TMPRSS13: variants seen among roughly 807,000 people sequenced by gnomAD.
TMPRSS13 encodes transmembrane protease serine 13.
In TMPRSS13, 50 loss-of-function variants were observed where a neutral mutation model predicts 68.4. The ratio of observed to expected loss-of-function variants is 0.73; its 90% CI spans 0.58 to 0.93. The LOEUF (loss-of-function observed/expected upper bound fraction) is 0.93. Among genes scored for constraint, TMPRSS13 ranks in the 40% least tolerant of loss-of-function variants. The pLI, the probability that TMPRSS13 is intolerant of heterozygous loss-of-function variation, is 0.00. For synonymous variants in TMPRSS13, 267 were observed against 285.8 expected, an observed-to-expected ratio of 0.93 and a Z score of 0.66; for missense variants, 615 against 729.2, an observed-to-expected ratio of 0.84 and a Z score of 1.80.
In TMPRSS13 at chr11:117,917,282, C is replaced by T. The variant is rs780717202; in HGVS notation, c.452-8G>A. ...ACTTGGGCAGGCTCGTACCTAGGAG[C>T]AGGGCGGCAGCAGGGGAATATGAGG... On this transcript the variant is annotated splice_polypyrimidine_tract_variant and splice_region_variant and intron_variant, in intron 2 of 12. Transcript: ENST00000524993. 3 of 1,608,144 alleles carry T rather than the reference C, an allele frequency of 1.9e-6. No homozygotes were observed. The Admixed American group carries it at 5.0e-5, about 27-fold the overall frequency.
rs904523757 is a variant in TMPRSS13 at position 117,902,219 on chromosome 11, C to T, written c.*20G>A. Reference sequence around the variant, plus strand: ...AGTCTTCACAGCAGCCGGTGCTGTGCAGAGCAGCAGGCCAGCTGGTTAGGA... The same window carrying T: ...AGTCTTCACAGCAGCCGGTGCTGTGTAGAGCAGCAGGCCAGCTGGTTAGGA... On this transcript the variant is annotated 3_prime_UTR_variant, in exon 13 of 13. Coordinates refer to ENST00000524993, the MANE Select transcript of TMPRSS13 (RefSeq NM_001077263.3). 7 of 1,612,604 alleles carry T rather than the reference C, an allele frequency of 4.3e-6. No individual in the cohort carries two copies. Among genetic ancestry groups the T allele is most frequent in the Non-Finnish European group, 5.1e-6 (6 of 1,179,334 alleles).
Position 117,901,297 on chromosome 11 carries a change from C to T in TMPRSS13, c.*942G>A, listed in dbSNP as rs1482794632. On this transcript the variant is annotated 3_prime_UTR_variant, in exon 13 of 13. Coordinates refer to ENST00000524993, the MANE Select transcript of TMPRSS13 (RefSeq NM_001077263.3). ...GGATGCAGAAACAGTTTGTGGACCT[C>T]GTCGTGTCGGATTTGCTTGCCAGCC... 2 of 152,670 alleles carry T rather than the reference C, an allele frequency of 1.3e-5. No homozygotes were observed. The highest frequency in any genetic ancestry group is 2.9e-5 in the Non-Finnish European group (2 of 68,044). The allele number at this position is 152,670 out of a possible 1,614,324, so 9.5% of individuals were successfully genotyped here.
Position 117,902,071 on chromosome 11 carries a change from T to TGC in TMPRSS13, c.*166_*167dup, listed in dbSNP as rs1057394699. 247 of 693,824 alleles carry TGC rather than the reference T, an allele frequency of 3.6e-4. 1 individual carries two copies. In the African/African-American group the frequency reaches 4.4e-3, roughly 12 times the overall value. 43.0% of individuals were successfully genotyped at this position (693,824 alleles called of 1,614,324 possible). ...TTGGGAGAGTGGCAATGCACACATA[T>TGC]GCACACACACACACACACACACACA... is the stretch of plus-strand genomic sequence containing the variant. On this transcript the variant is annotated 3_prime_UTR_variant, in exon 13 of 13. Coordinates refer to ENST00000524993, the MANE Select transcript of TMPRSS13 (RefSeq NM_001077263.3).
At position 117,905,557 on chromosome 11, in the gene TMPRSS13, G is replaced by C. The variant is rs1304377440; in HGVS notation, c.1381+81C>G. 4.1e-6 allele frequency: 5 copies of C among 1,227,318 alleles called. No individual in the cohort carries two copies. In the Admixed American group the frequency reaches 1.0e-4, roughly 25 times the overall value. 76.0% of individuals were successfully genotyped at this position (1,227,318 alleles called of 1,614,324 possible). A position where few individuals can be genotyped will look rare whatever the true frequency, so the allele number is the denominator to read the frequency against. ...ACATAGGCCTTCATCTGTATACCCA[G>C]ACACATTGCTTACACACGCACATGT... On this transcript the variant is annotated intron_variant, in intron 10 of 12. Transcript: ENST00000524993.
chr11:117,929,268 G>A lies in TMPRSS13; in HGVS notation c.21+19C>T. 1.9e-6 allele frequency: 3 copies of A among 1,598,242 alleles called. No individual in the cohort carries two copies. Among genetic ancestry groups the A allele is most frequent in the South Asian group, 2.3e-5 (2 of 88,196 alleles). On this transcript the variant is annotated intron_variant, in intron 1 of 12. Transcript: ENST00000524993. Reference sequence around the variant, plus strand: ...TCAGCGCTGGGAGAATCTGGCCCGAGGCCTGAGGTCACACTCACCCCGTGG... The same window carrying A: ...TCAGCGCTGGGAGAATCTGGCCCGAAGCCTGAGGTCACACTCACCCCGTGG...
rs1455424415 is a variant in TMPRSS13 at position 117,901,720 on chromosome 11, C to T, written c.*519G>A. ...CACCAGCAGGGGGTCTGGGTGAGGA[C>T]TTGATGCTCATAAAGCCAACGGGAG... On this transcript the variant is annotated 3_prime_UTR_variant, in exon 13 of 13. Coordinates refer to ENST00000524993, the MANE Select transcript of TMPRSS13 (RefSeq NM_001077263.3). 1 of 165,040 alleles carries T rather than the reference C, an allele frequency of 6.1e-6. No homozygotes were observed. Among genetic ancestry groups the T allele is most frequent in the Non-Finnish European group, 1.3e-5 (1 of 74,880 alleles). 10.2% of individuals were successfully genotyped at this position (165,040 alleles called of 1,614,324 possible). A position where few individuals can be genotyped will look rare whatever the true frequency, so the allele number is the denominator to read the frequency against.
At chr11:117,925,937 G>C (rs1447755741) in intron 1 of TMPRSS13, among the ~76,000 whole-genome samples, 3 of 152,272 alleles carry the variant, frequency 2.0e-5, no homozygotes, top group Non-Finnish European at 4.4e-5. Flanking sequence ...CTGTGCCAAA[G>C]GAAGTCTGCT....
intron 7 of TMPRSS13, chr11:117,910,425 C>T (rs897081008): frequency 3.5e-5 from 16 of 457,434 alleles, no homozygotes; most frequent in African/African-American, 3.1e-4. Flanking sequence ...TGTTTCTAAA[C>T]ATAGGAAGAA....
At chr11:117,926,028 T>C (rs574500077) in intron 1 of TMPRSS13, among the ~76,000 whole-genome samples, 1 of 151,470 alleles carries the variant, frequency 6.6e-6, no homozygotes, top group East Asian at 1.9e-4. Flanking sequence ...CCAGGGTCCT[T>C]GGAGGACGAG....
At position 117,906,999 on chromosome 11, in the gene TMPRSS13, A is replaced by C. The variant is rs979135629; in HGVS notation, c.1283-1263T>G. Among the ~76,000 whole-genome samples, 3 of 152,198 alleles carry C rather than the reference A, an allele frequency of 2.0e-5. No individual in the cohort carries two copies. The South Asian group carries it at 6.2e-4, about 32-fold the overall frequency. ...CAGACTAAGGGTCTGCTTCCTGCCC[A>C]AAAGCCTATTGGAGCCTGGAGGGAG... On this transcript the variant is annotated intron_variant, in intron 9 of 12. Coordinates refer to ENST00000524993, the MANE Select transcript of TMPRSS13 (RefSeq NM_001077263.3).
At chr11:117,918,340 T>A (rs1485471347) in intron 2 of TMPRSS13, 69 bp downstream of exon 2, 5 of 1,547,962 alleles carry the variant, frequency 3.2e-6, no homozygotes, top group Non-Finnish European at 4.4e-6. Flanking sequence ...GCACACTGGC[T>A]CTGAGATTTC....
At chr11:117,909,167 G>A (rs115638299) in intron 8 of TMPRSS13, among the ~76,000 whole-genome samples, 2,088 of 152,276 alleles carry the variant, frequency 0.014, 51 homozygotes, top group African/African-American at 0.048. Flanking sequence ...GGCTGCAGAA[G>A]GTGCTGGGAC....
At chr11:117,920,291 G>A (rs1032515669) in intron 1 of TMPRSS13, among the ~76,000 whole-genome samples, 50 of 152,246 alleles carry the variant, frequency 3.3e-4, no homozygotes, top group Non-Finnish European at 1.8e-4. Flanking sequence ...CCAATACACA[G>A]TGAGGGTGTG....
At chr11:117,910,484 A>G in intron 7 of TMPRSS13, 1 of 514,254 alleles carries the variant, frequency 1.9e-6, no homozygotes, top group East Asian at 3.0e-5. Context: ...CTTGGAATAA[A>G]AGGTTGCTGG....
intron 12 of TMPRSS13, 174 bp downstream of exon 12, chr11:117,903,481 A>G: frequency 4.5e-6 from 7 of 1,540,562 alleles, no homozygotes; most frequent in Non-Finnish European, 6.1e-6. Flanking sequence ...GCAGGGAAAG[A>G]AACACAGACA....
chr11:117,926,839 T>A (rs2057712533), intron 1 of TMPRSS13, among the ~76,000 whole-genome samples: 1 of 152,174 alleles, frequency 6.6e-6, no homozygotes, highest in Non-Finnish European at 1.5e-5. Context: ...TAGGCAGTGA[T>A]GATAAATTTC....
Position 117,929,342 on chromosome 11 carries a change from G to A in TMPRSS13, c.-35C>T. 6.3e-7 allele frequency: 1 copy of A among 1,599,634 alleles called. No homozygotes were observed. The highest frequency in any genetic ancestry group is 8.5e-7 in the Non-Finnish European group (1 of 1,172,418). On this transcript the variant is annotated 5_prime_UTR_variant, in exon 1 of 13. Coordinates refer to ENST00000524993, the MANE Select transcript of TMPRSS13 (RefSeq NM_001077263.3). ...GGGGAAGAGTCCTCCAGGCTTAGCTGATGTCGAGGAGAAGATCCATCTTGG... is the reference window on the plus strand; with the variant it reads ...GGGGAAGAGTCCTCCAGGCTTAGCTAATGTCGAGGAGAAGATCCATCTTGG...
Position 117,923,694 on chromosome 11 carries a change from G to C in TMPRSS13, c.22-4856C>G, listed in dbSNP as rs945083826. On this transcript the variant is annotated intron_variant, in intron 1 of 12. Coordinates refer to ENST00000524993, the MANE Select transcript of TMPRSS13 (RefSeq NM_001077263.3). The stretch of plus-strand genomic sequence containing the variant: ...ACACCAGGGCCTGTCGGGGAGTGGG[G>C]AGACGGGGGAGGGATAGCATTAGGA... Among the ~76,000 whole-genome samples the C allele has an allele frequency of 7.6e-4, 116 of 152,204 alleles. 1 individual carries two copies. The highest frequency in any genetic ancestry group is 2.7e-3 in the African/African-American group (111 of 41,514).
chr11:117,916,350 G>C (rs1369666384), intron 3 of TMPRSS13, among the ~76,000 whole-genome samples: 1 of 152,168 alleles, frequency 6.6e-6, no homozygotes, highest in Non-Finnish European at 1.5e-5. Flanking sequence ...GCCCTGCTGG[G>C]CATAATTGCT....
Sources: allele counts gnomAD v4.1 joint callset (sites outside exome capture counted in the v4.1 genomes callset), GRCh38; gene constraint gnomAD v4.1.1; transcripts MANE v1.5; gene names NCBI Gene and HGNC (gene_info 2026-07-23, HGNC 2026-07-21).